The following ARHGAP26 variants were observed in gnomAD, a reference collection of about 807,000 sequenced individuals.
ARHGAP26 encodes the protein rho GTPase-activating protein 26.
ARHGAP26 carries 38 observed loss-of-function variants against 104.8 expected under a neutral mutation model. That is an observed-to-expected ratio of 0.36 (90% CI 0.28 to 0.48). The LOEUF (loss-of-function observed/expected upper bound fraction) is 0.48, where lower values mean the gene tolerates loss of function less well. Among genes scored for constraint, ARHGAP26 ranks in the 20% least tolerant of loss-of-function variants. ARHGAP26 has a pLI of 0.99. For missense variants in ARHGAP26, 704 were observed against 947.9 expected (o/e 0.74, Z 3.38); for synonymous variants, 341 against 340.0 (o/e 1.00, Z -0.03).
intron 11 of ARHGAP26, among the ~76,000 whole-genome samples, chr5:142,947,659 T>C (rs556214298): frequency 3.9e-5 from 6 of 152,314 alleles, no homozygotes; most frequent in Non-Finnish European, 7.3e-5. Context: ...AGGCAATAAA[T>C]TGAGTGGTTT....
intron 20 of ARHGAP26, among the ~76,000 whole-genome samples, chr5:143,182,276 G>A (rs941169959): frequency 6.6e-6 from 1 of 152,186 alleles, no homozygotes; most frequent in East Asian, 1.9e-4. Flanking sequence ...CTGGGAGTTG[G>A]CCTTATCTTG....
intron 11 of ARHGAP26, among the ~76,000 whole-genome samples, chr5:142,955,308 A>G (rs1467315173): frequency 6.6e-6 from 1 of 152,150 alleles, no homozygotes; most frequent in Non-Finnish European, 1.5e-5. Flanking sequence ...CTCAAAAAAA[A>G]AATTTTTTTT....
chr5:142,801,932 G>A (rs544559010), intron 1 of ARHGAP26, among the ~76,000 whole-genome samples: 1 of 152,304 alleles, frequency 6.6e-6, no homozygotes, highest in Non-Finnish European at 1.5e-5. Context: ...TCTGTCTGGT[G>A]AGACTGGAGT....
At chr5:143,048,775 G>C (rs555597441) in intron 14 of ARHGAP26, among the ~76,000 whole-genome samples, 2 of 151,556 alleles carry the variant, frequency 1.3e-5, no homozygotes, top group Non-Finnish European at 2.9e-5. Context: ...TTAGCCAGGC[G>C]TGGTGGTGCA....
At chr5:143,152,040 C>G (rs74415635) in intron 20 of ARHGAP26, among the ~76,000 whole-genome samples, 1 of 152,058 alleles carries the variant, frequency 6.6e-6, no homozygotes, top group Admixed American at 6.6e-5. Context: ...ATTATGGAAT[C>G]AATAAGAAGA....
chr5:142,869,207 TC>T (rs1274876323), intron 1 of ARHGAP26, among the ~76,000 whole-genome samples: 23 of 150,336 alleles, frequency 1.5e-4, no homozygotes, highest in Non-Finnish European at 1.6e-4. Context: ...TTTTCTTTTT[TC>T]TTTTTTTTTT....
At chr5:142,950,457 T>G (rs1314443366) in intron 11 of ARHGAP26, among the ~76,000 whole-genome samples, 2 of 152,136 alleles carry the variant, frequency 1.3e-5, no homozygotes, top group Non-Finnish European at 2.9e-5. Context: ...GAAAGAGAAG[T>G]AGTATCAATG....
At chr5:143,007,993 C>T (rs986042224) in intron 11 of ARHGAP26, among the ~76,000 whole-genome samples, 12 of 152,148 alleles carry the variant, frequency 7.9e-5, no homozygotes, top group Non-Finnish European at 1.5e-4. Context: ...GCCATTTATC[C>T]CATAGGGGAT....
chr5:143,012,577 T>TATATATATATATATATATAAAAA (rs1554195775), intron 11 of ARHGAP26, among the ~76,000 whole-genome samples: 1 of 19,096 alleles, frequency 5.2e-5, no homozygotes, highest in Non-Finnish European at 2.2e-4. Context: ...ATATATATAT[T>TATATATATATATATATATAAAAA]ATGATCAGGT....
chr5:143,127,915 C>T (rs1796901251), intron 18 of ARHGAP26, among the ~76,000 whole-genome samples: 1 of 152,222 alleles, frequency 6.6e-6, no homozygotes, highest in South Asian at 2.1e-4. Context: ...CATTGGTACT[C>T]TTGCCTGCTC....
chr5:142,857,252 C>T lies in ARHGAP26; in HGVS notation c.155-16148C>T, dbSNP rs75051822. Among the ~76,000 whole-genome samples the T allele has an allele frequency of 3.2e-3, 486 of 152,218 alleles. 1 individual carries two copies. Among genetic ancestry groups the T allele is most frequent in the Middle Eastern group, 0.01 (3 of 294 alleles). On this transcript the variant is annotated intron_variant, in intron 1 of 22. Coordinates refer to ENST00000645722, the MANE Select transcript of ARHGAP26 (RefSeq NM_001135608.3). ...CAAATAAAGTCACATTCTGAGGTTC[C>T]GGGTAGACATCAATTTTGAGGGTAC...
intron 11 of ARHGAP26, chr5:142,969,280 C>T (rs1015977213): frequency 1.3e-5 from 2 of 152,192 alleles, no homozygotes; most frequent in African/African-American, 4.8e-5. Context: ...TTTGTTTCCT[C>T]TTCTCCACTA....
At chr5:142,835,533 A>G (rs1322634122) in intron 1 of ARHGAP26, among the ~76,000 whole-genome samples, 4 of 152,212 alleles carry the variant, frequency 2.6e-5, no homozygotes, top group Non-Finnish European at 5.9e-5. Context: ...AAGTCTCACA[A>G]TTTCTTTGAC....
At chr5:142,859,030 T>C (rs1752875920) in intron 1 of ARHGAP26, among the ~76,000 whole-genome samples, 1 of 152,176 alleles carries the variant, frequency 6.6e-6, no homozygotes, top group African/African-American at 2.4e-5. Context: ...CAGTGGGGTG[T>C]GCAGACGAGG....
intron 20 of ARHGAP26, among the ~76,000 whole-genome samples, chr5:143,197,269 TC>T (rs1336266171): frequency 1.3e-5 from 2 of 152,178 alleles, no homozygotes; most frequent in African/African-American, 4.8e-5. Context: ...AATGGTATCT[TC>T]ACCTTTGCTA....
At position 143,065,217 on chromosome 5, in the gene ARHGAP26, A is replaced by G. The variant is rs144517387; in HGVS notation, c.1538+7470A>G. On this transcript the variant is annotated intron_variant, in intron 17 of 22. Coordinates refer to ENST00000645722, the MANE Select transcript of ARHGAP26 (RefSeq NM_001135608.3). Reference sequence around the variant, plus strand: ...CTAGCAGAGCTTAGATTTCTTATACATTGGCCTTGGGAGCGTGTTCTTCAT... The same window carrying G: ...CTAGCAGAGCTTAGATTTCTTATACGTTGGCCTTGGGAGCGTGTTCTTCAT... Among the ~76,000 whole-genome samples, 361 of 152,170 alleles carry G rather than the reference A, an allele frequency of 2.4e-3. 6 individuals carry two copies. In the East Asian group the frequency reaches 0.043, roughly 18 times the overall value.
At chr5:143,195,901 G>T (rs113668758) in intron 20 of ARHGAP26, among the ~76,000 whole-genome samples, 1 of 150,814 alleles carries the variant, frequency 6.6e-6, no homozygotes. Context: ...AAAACTTTGC[G>T]TATGGGAACA....
At position 143,036,515 on chromosome 5, in the gene ARHGAP26, A is replaced by G. The variant is rs192576083; in HGVS notation, c.1145-681A>G. 1.3e-4 allele frequency among the ~76,000 whole-genome samples: 20 copies of G among 151,914 alleles called. No homozygotes were observed. In the East Asian group the frequency reaches 3.7e-3, roughly 28 times the overall value. On this transcript the variant is annotated intron_variant, in intron 12 of 22. Coordinates refer to ENST00000645722, the MANE Select transcript of ARHGAP26 (RefSeq NM_001135608.3). ...AGTGTCTTTGTTCTTGGCTCTTTTA[A>G]TTTTCCTCTGAATCATTTTTCTTCT...
At chr5:142,818,899 G>A (rs538146666) in intron 1 of ARHGAP26, among the ~76,000 whole-genome samples, 1 of 152,106 alleles carries the variant, frequency 6.6e-6, no homozygotes, top group Non-Finnish European at 1.5e-5. Context: ...CCTATGATAA[G>A]GTTCAAGCCC....
Sources: allele counts gnomAD v4.1 joint callset (sites outside exome capture counted in the v4.1 genomes callset), GRCh38; gene constraint gnomAD v4.1.1; transcripts MANE v1.5; gene names NCBI Gene and HGNC (gene_info 2026-07-23, HGNC 2026-07-21).